The following DZIP3 variants were observed in gnomAD, a reference collection of about 807,000 sequenced individuals.
DZIP3 encodes DAZ interacting zinc finger protein 3, also known as E3 ubiquitin-protein ligase DZIP3.
DZIP3 carries 118 observed loss-of-function variants against 162.0 expected under a neutral mutation model. That is an observed-to-expected ratio of 0.73 (90% CI 0.63 to 0.85). DZIP3 has a LOEUF of 0.85. Ranked by LOEUF, DZIP3 falls within the 40% of genes least tolerant of loss-of-function variation. The pLI is 0.00. For missense variants in DZIP3, 1,331 were observed against 1,407.0 expected (o/e 0.95, Z 0.86); for synonymous variants, 438 against 458.6 (o/e 0.96, Z 0.57).
At chr3:108,686,118 G>GT (rs1330898165) in intron 27 of DZIP3, among the ~76,000 whole-genome samples, 4 of 152,046 alleles carry the variant, frequency 2.6e-5, no homozygotes, top group African/African-American at 9.7e-5. Flanking sequence ...TGCTGTACAT[G>GT]TATGTAATTA....
rs376488759 is a variant in DZIP3 at position 108,646,182 on chromosome 3, G to A, written c.1760-435G>A. On this transcript the variant is annotated intron_variant, in intron 14 of 32. Coordinates refer to ENST00000361582, the MANE Select transcript of DZIP3 (RefSeq NM_014648.4). ...CATTCAATCTCTAGAGCTTAACACA[G>A]CCTGATGTACATTGTAGGTGCTCAA... Among the ~76,000 whole-genome samples the A allele has an allele frequency of 6.6e-5, 10 of 151,944 alleles. No homozygotes were observed. In the East Asian group the frequency reaches 1.7e-3, roughly 26 times the overall value.
At chr3:108,645,169 A>T (rs1942569734) in intron 14 of DZIP3, among the ~76,000 whole-genome samples, 1 of 152,208 alleles carries the variant, frequency 6.6e-6, no homozygotes, top group African/African-American at 2.4e-5. Context: ...TTCATAGAGT[A>T]CATTCAAGAG....
intron 3 of DZIP3, among the ~76,000 whole-genome samples, chr3:108,610,726 T>A (rs1940658234): frequency 1.3e-5 from 2 of 152,244 alleles, no homozygotes; most frequent in African/African-American, 4.8e-5. Context: ...CAGCAGGACT[T>A]GATTGTGTAG....
intron 1 of DZIP3, among the ~76,000 whole-genome samples, chr3:108,602,133 T>C (rs1372420618): frequency 6.6e-6 from 1 of 152,214 alleles, no homozygotes; most frequent in South Asian, 2.1e-4. Flanking sequence ...TTTATAAAAA[T>C]GTGCCTATAT....
At position 108,608,158 on chromosome 3, in the gene DZIP3, G is replaced by A; in HGVS notation, c.102G>A (p.Leu34=). The change falls in exon 3 of 33, where the codon CTG becomes CTA. Residue 34 remains leucine, a splice_region_variant and synonymous_variant. Transcript: ENST00000361582. ...AGCTAGAAAAATCATCTGGTCAACT[G>A]GTAAGAGAAAGTTTAATTTTCATTA... ...ENKLEKSSGQ[L]NKQENDIPTD... is the part of the protein sequence containing the mutation. 1 of 1,609,886 alleles carries A rather than the reference G, an allele frequency of 6.2e-7. No homozygotes were observed.
chr3:108,648,905 T>G lies in DZIP3; in HGVS notation c.1963-13T>G, dbSNP rs560314423. 1 of 1,154,708 alleles carries G rather than the reference T, an allele frequency of 8.7e-7. No homozygotes were observed. Among genetic ancestry groups the G allele is most frequent in the East Asian group, 5.8e-5 (1 of 17,342 alleles). The allele number at this position is 1,154,708 out of a possible 1,614,324, so 71.5% of individuals were successfully genotyped here. A position where few individuals can be genotyped will look rare whatever the true frequency, so the allele number is the denominator to read the frequency against. ...TGAATTACATATTTAATAAATAATT[T>G]TTTACCTACTAGGTTAAGAGTAAAC... On this transcript the variant is annotated splice_polypyrimidine_tract_variant and intron_variant, in intron 16 of 32. Transcript: ENST00000361582.
chr3:108,593,055 G>T (rs1227616493), intron 1 of DZIP3, among the ~76,000 whole-genome samples: 1 of 152,026 alleles, frequency 6.6e-6, no homozygotes, highest in Non-Finnish European at 1.5e-5. Flanking sequence ...TAAGAGATTG[G>T]CTTTTATATC....
intron 28 of DZIP3, 58 bp downstream of exon 28, chr3:108,686,642 A>G (rs1944509569): frequency 1.4e-6 from 2 of 1,405,266 alleles, no homozygotes; most frequent in Non-Finnish European, 1.9e-6. Context: ...TTTCATAGCC[A>G]TAATTGTGGC....
intron 1 of DZIP3, among the ~76,000 whole-genome samples, chr3:108,602,590 A>G (rs1184281633): frequency 1.3e-5 from 2 of 152,228 alleles, no homozygotes; most frequent in Non-Finnish European, 2.9e-5. Flanking sequence ...GGGAAAGTCT[A>G]TTGAAATGAA....
chr3:108,644,148 C>T lies in DZIP3; in HGVS notation c.1142-16C>T. On this transcript the variant is annotated splice_polypyrimidine_tract_variant and intron_variant, in intron 13 of 32. Coordinates refer to ENST00000361582, the MANE Select transcript of DZIP3 (RefSeq NM_014648.4). ...ATTAATGTGGAATGTCTTGACTTCT[C>T]AAAATTTATTTTCAGATGAAATGCC... is the stretch of plus-strand genomic sequence containing the variant. The T allele has an allele frequency of 4.5e-6, 7 of 1,572,518 alleles. No individual in the cohort carries two copies. The highest frequency in any genetic ancestry group is 5.1e-6 in the Non-Finnish European group (6 of 1,165,910).
chr3:108,686,472 G>A lies in DZIP3; in HGVS notation c.3037G>A (p.Ala1013Thr). The change falls in exon 28 of 33, where the codon GCG (alanine) becomes ACG (threonine). Residue 1013 changes from alanine to threonine, a missense_variant. This residue lies in a region of DZIP3 where 1,278 missense variants were observed against 1,317.1 expected (regional missense o/e 0.97). Transcript: ENST00000361582. Reference protein sequence around the residue: ...LMTGIAWALPAPVGDAVPPSA... With the variant: ...LMTGIAWALPTPVGDAVPPSA... ...GACTGGCATAGCCTGGGCTCTGCCA[G>A]CGCCTGTGGGAGACGCTGTGCCTCC... 6.2e-7 allele frequency: 1 copy of A among 1,606,922 alleles called. No homozygotes were observed. Among genetic ancestry groups the A allele is most frequent in the South Asian group, 1.1e-5 (1 of 89,904 alleles).
In DZIP3 at chr3:108,619,302, ATGTGTG is replaced by A. The variant is rs35589891; in HGVS notation, c.375+2663_375+2668del. Among the ~76,000 whole-genome samples, 724 of 148,224 alleles carry A rather than the reference ATGTGTG, an allele frequency of 4.9e-3. 2 individuals are homozygous for A. Among genetic ancestry groups the A allele is most frequent in the African/African-American group, 0.017 (684 of 40,452 alleles). On this transcript the variant is annotated intron_variant, in intron 5 of 32. Coordinates refer to ENST00000361582, the MANE Select transcript of DZIP3 (RefSeq NM_014648.4). ...TGTATGTGTGTGGGTATATGTGTGT[ATGTGTG>A]TGTGTGTGTGTGTGTGTTTTGTTTT... is the stretch of plus-strand genomic sequence containing the variant.
intron 8 of DZIP3, among the ~76,000 whole-genome samples, chr3:108,631,588 T>C (rs1461354700): frequency 6.9e-6 from 1 of 144,368 alleles, no homozygotes; most frequent in Non-Finnish European, 1.5e-5. Context: ...ATTCCCTTTT[T>C]TTTTTTTTTT....
In DZIP3 at chr3:108,636,646, G is replaced by A; in HGVS notation, c.949G>A (p.Gly317Arg). The A allele has an allele frequency of 6.4e-7, 1 of 1,569,934 alleles. No individual in the cohort carries two copies. Among genetic ancestry groups the A allele is most frequent in the Non-Finnish European group, 8.6e-7 (1 of 1,165,350 alleles). Reference protein sequence around the residue: ...SFSGKKCLKEGCTGDMVRMLQ... With the variant: ...SFSGKKCLKERCTGDMVRMLQ... ...TAGTGGGAAAAAATGTTTGAAGGAA[G>A]GATGTACAGGTGACATGGTAAGGAT... The change falls in exon 11 of 33, where the codon GGA (glycine) becomes AGA (arginine). Residue 317 changes from glycine to arginine, a missense_variant. Around this residue, in one of 2 missense-constraint regions of DZIP3, gnomAD observed 1,278 missense variants for 1,317.1 expected, o/e 0.97. Transcript: ENST00000361582.
At chr3:108,644,052 C>T in intron 13 of DZIP3, 112 bp from the exon 14 acceptor site, 1 of 1,322,642 alleles carries the variant, frequency 7.6e-7, no homozygotes, top group Non-Finnish European at 1.0e-6. Context: ...TACTATCCTT[C>T]ATTCTTTTGG....
chr3:108,614,551 T>C (rs77702908), intron 4 of DZIP3, among the ~76,000 whole-genome samples: 4,147 of 152,286 alleles, frequency 0.027, 104 homozygotes, highest in Admixed American at 0.044. Context: ...CCCATACCAA[T>C]TGGACCCTAC....
chr3:108,640,370 G>A (rs1015536060), intron 12 of DZIP3, among the ~76,000 whole-genome samples: 5 of 136,544 alleles, frequency 3.7e-5, no homozygotes, highest in Non-Finnish European at 3.1e-5. Flanking sequence ...CTTATTAAAT[G>A]CTACACACAC....
In DZIP3 at chr3:108,633,004, A is replaced by G; in HGVS notation, c.748A>G (p.Thr250Ala). Residue 250 changes from threonine to alanine, a missense_variant, in exon 9 of 33, where the codon ACG (threonine) becomes GCG (alanine). Thr to Ala is a moderately conservative substitution (Grantham distance 58, BLOSUM62 0). Coordinates refer to ENST00000361582, the MANE Select transcript of DZIP3 (RefSeq NM_014648.4). ...AACTGAAAGCAATATAATGAAGCAG[A>G]CGATTTGTAGTTACCTAGATTGTGA... ...KTTESNIMKQTICSYLDCERS... is the reference protein window; with the variant it reads ...KTTESNIMKQAICSYLDCERS... The G allele has an allele frequency of 6.7e-7, 1 of 1,500,414 alleles. No individual in the cohort carries two copies. The highest frequency in any genetic ancestry group is 9.0e-7 in the Non-Finnish European group (1 of 1,116,674). 92.9% of individuals were successfully genotyped at this position (1,500,414 alleles called of 1,614,324 possible). A position where few individuals can be genotyped will look rare whatever the true frequency, so the allele number is the denominator to read the frequency against.
chr3:108,670,457 A>G (rs762064661), intron 22 of DZIP3, among the ~76,000 whole-genome samples: 9 of 151,932 alleles, frequency 5.9e-5, no homozygotes, highest in African/African-American at 1.7e-4. Context: ...ATGTTGTAGC[A>G]TGTATCATTA....
Sources: allele counts gnomAD v4.1 joint callset (sites outside exome capture counted in the v4.1 genomes callset), GRCh38; gene constraint gnomAD v4.1.1; regional missense constraint gnomAD v4.1.1; transcripts MANE v1.5; gene names NCBI Gene and HGNC (gene_info 2026-07-23, HGNC 2026-07-21).